The following YTHDC1 variants were observed in gnomAD, a reference collection of about 807,000 sequenced individuals.
The protein encoded by YTHDC1 is YTH domain-containing protein 1.
A neutral mutation model predicts 107.0 loss-of-function variants in YTHDC1; 12 were observed. That is an observed-to-expected ratio of 0.11 (90% CI 0.07 to 0.18). The LOEUF (loss-of-function observed/expected upper bound fraction) is 0.18. YTHDC1 is among the 10% of genes least tolerant of loss of function. The pLI, the probability that YTHDC1 is intolerant of heterozygous loss-of-function variation, is 1.00. For synonymous variants in YTHDC1, 280 were observed against 289.5 expected (o/e 0.97, Z 0.33); for missense variants, 635 against 898.8 (o/e 0.71, Z 3.75).
Position 68,332,346 on chromosome 4 carries a change from A to G in YTHDC1, c.1028-149T>C, listed in dbSNP as rs529548067. The stretch of plus-strand genomic sequence containing the variant: ...CATTCAACCTGGAAGGCTAAGCCAC[A>G]TGTAATAAAGCAAAGCTAAGAAAAG... On this transcript the variant is annotated intron_variant, in intron 6 of 16. Transcript: ENST00000344157. 56 of 492,162 alleles carry G rather than the reference A, an allele frequency of 1.1e-4. 1 individual carries two copies. The highest frequency in any genetic ancestry group is 9.4e-4 in the African/African-American group (47 of 50,108). The allele number at this position is 492,162 out of a possible 1,614,324, so 30.5% of individuals were successfully genotyped here.
At chr4:68,321,667 GTT>G (rs1285093464) in intron 11 of YTHDC1, among the ~76,000 whole-genome samples, 26 of 152,304 alleles carry the variant, frequency 1.7e-4, no homozygotes, top group African/African-American at 6.3e-4. Context: ...GCTCTGCCAG[GTT>G]TCCTCCTACC....
Position 68,349,670 on chromosome 4 carries a change from C to T in YTHDC1, c.28+56G>A, listed in dbSNP as rs1388916293. ...CCCCCAACGACGACCACTGCTCCAT[C>T]ACCCCACTCCCGGGCCCCAGCCTCG... On this transcript the variant is annotated intron_variant, in intron 1 of 16. Transcript: ENST00000344157. The T allele has an allele frequency of 2.9e-6, 3 of 1,039,208 alleles. No homozygotes were observed. In the East Asian group the frequency reaches 1.6e-4, roughly 54 times the overall value. The allele number at this position is 1,039,208 out of a possible 1,614,324, so 64.4% of individuals were successfully genotyped here. A position where few individuals can be genotyped will look rare whatever the true frequency, so the allele number is the denominator to read the frequency against.
At chr4:68,337,549 A>G (rs749515087) in intron 3 of YTHDC1, 23 bp downstream of exon 3, 2 of 1,586,846 alleles carry the variant, frequency 1.3e-6, no homozygotes, top group Non-Finnish European at 1.7e-6. Flanking sequence ...TTTCTGTTTT[A>G]TATCTGCAAT....
chr4:68,328,759 G>T (rs1282196253), intron 9 of YTHDC1, among the ~76,000 whole-genome samples: 1 of 152,124 alleles, frequency 6.6e-6, no homozygotes, highest in Non-Finnish European at 1.5e-5. Context: ...CACTCATTAG[G>T]TGATTTCATT....
chr4:68,324,472 C>T (rs946595137), intron 9 of YTHDC1, among the ~76,000 whole-genome samples: 1 of 152,174 alleles, frequency 6.6e-6, no homozygotes, highest in Non-Finnish European at 1.5e-5. Context: ...CCCCAGCCTG[C>T]TCTCTTCTCT....
At chr4:68,326,340 G>A (rs1401500348) in intron 9 of YTHDC1, among the ~76,000 whole-genome samples, 1 of 152,112 alleles carries the variant, frequency 6.6e-6, no homozygotes, top group Non-Finnish European at 1.5e-5. Context: ...TGAAGCCTGA[G>A]GCAAAACAGG....
At position 68,349,945 on chromosome 4, in the gene YTHDC1, TC is replaced by T. The variant is rs1725922980; in HGVS notation, c.-193del. On this transcript the variant is annotated 5_prime_UTR_variant, in exon 1 of 17. An upstream open reading frame in the 5' UTR loses its in-frame stop. Transcript: ENST00000344157. ...TTTTCCCTTTCTCCCTTCCTTTCAC[TC>T]CAGCATCCAGCGGCCTAGGCCCAGC... 1.4e-6 allele frequency: 1 copy of T among 737,218 alleles called. No individual in the cohort carries two copies. Among genetic ancestry groups the T allele is most frequent in the East Asian group, 2.7e-5 (1 of 36,608 alleles). 45.7% of individuals were successfully genotyped at this position (737,218 alleles called of 1,614,324 possible).
chr4:68,337,181 C>G lies in YTHDC1; in HGVS notation c.729G>C (p.Glu243Asp). The G allele has an allele frequency of 6.2e-7, 1 of 1,606,450 alleles. No homozygotes were observed. The highest frequency in any genetic ancestry group is 1.1e-5 in the South Asian group (1 of 90,752). ...EEEEEEEEEE[E>D]EEEEEEYEQD... is the part of the protein sequence containing the mutation. ...GTTCATATTCTTCTTCTTCCTCCTC[C>G]TCCTCCTCCTCTTCCTCCTCCTCCT... The change falls in exon 4 of 17, where the codon GAG becomes GAC. Residue 243 changes from glutamate (E) to aspartate (D), a missense_variant. Coordinates refer to ENST00000344157, the MANE Select transcript of YTHDC1 (RefSeq NM_001031732.4).
At chr4:68,325,370 G>GA (rs1722881542) in intron 9 of YTHDC1, among the ~76,000 whole-genome samples, 1 of 152,058 alleles carries the variant, frequency 6.6e-6, no homozygotes, top group Non-Finnish European at 1.5e-5. Flanking sequence ...AGTTAAGCTT[G>GA]AAAGAAAACC....
chr4:68,324,394 ATTCTC>A (rs1029413523), intron 9 of YTHDC1, among the ~76,000 whole-genome samples, 171 bp from the exon 10 acceptor site: 2 of 152,170 alleles, frequency 1.3e-5, no homozygotes, highest in Non-Finnish European at 2.9e-5. Flanking sequence ...CTTTTTCCAT[ATTCTC>A]CAGTTTTCTA....
chr4:68,341,015 T>TA (rs1366948774), intron 1 of YTHDC1, among the ~76,000 whole-genome samples: 2 of 152,118 alleles, frequency 1.3e-5, no homozygotes, highest in Non-Finnish European at 2.9e-5. Flanking sequence ...CAACAAATAT[T>TA]AACCAATGCT....
chr4:68,336,768 T>G (rs1368103879), intron 4 of YTHDC1, among the ~76,000 whole-genome samples: 1 of 152,180 alleles, frequency 6.6e-6, no homozygotes, highest in East Asian at 1.9e-4. Context: ...TGAAATACAT[T>G]TCCTTATACA....
In YTHDC1 at chr4:68,316,948, A is replaced by G. The variant is rs562049332; in HGVS notation, c.1825-500T>C. ...TATGTATCTGTTCTTAGAAACATCA[A>G]CAGGCCTGGTGTGGTGGCTCACGCC... is the stretch of plus-strand genomic sequence containing the variant. On this transcript the variant is annotated intron_variant, in intron 15 of 16. Transcript: ENST00000344157. Among the ~76,000 whole-genome samples, 17 of 152,340 alleles carry G rather than the reference A, an allele frequency of 1.1e-4. No individual in the cohort carries two copies. In the East Asian group the frequency reaches 3.3e-3, roughly 29 times the overall value.
At chr4:68,332,261 T>C (rs1723673285) in intron 6 of YTHDC1, 64 bp from the exon 7 acceptor site, 1 of 1,089,568 alleles carries the variant, frequency 9.2e-7, no homozygotes, top group Non-Finnish European at 1.3e-6. Flanking sequence ...GGGTCAAAAC[T>C]GTACTAACTG....
Position 68,322,829 on chromosome 4 carries a change from C to G in YTHDC1, c.1521G>C (p.Met507Ile). 6.2e-7 allele frequency: 1 copy of G among 1,614,176 alleles called. No homozygotes were observed. Among genetic ancestry groups the G allele is most frequent in the Non-Finnish European group, 8.5e-7 (1 of 1,180,028 alleles). The change falls in exon 11 of 17, where the codon ATG (methionine) becomes ATC (isoleucine). Residue 507 changes from methionine (M) to isoleucine (I), a missense_variant. Met to Ile is a conservative substitution (Grantham distance 10). Around this residue, in one of 5 missense-constraint regions of YTHDC1, gnomAD observed 256 missense variants for 372.9 expected, o/e 0.69. Transcript: ENST00000344157. The surrounding 1 kb of genome is among the most constrained non-coding windows in gnomAD (Gnocchi z 4.8). Reference sequence around the variant, plus strand: ...GAGAATGCATTCTTCTCTTGTGACGCATTTTATGAATGACCTGATACAAGT... The same window carrying G: ...GAGAATGCATTCTTCTCTTGTGACGGATTTTATGAATGACCTGATACAAGT... ...SIDLYQVIHK[M>I]RHKRRMHSQP...
At chr4:68,342,191 G>A (rs1400967002) in intron 1 of YTHDC1, among the ~76,000 whole-genome samples, 2 of 152,046 alleles carry the variant, frequency 1.3e-5, no homozygotes, top group East Asian at 3.8e-4. Flanking sequence ...GCTCAACCGG[G>A]GTCTCCCATG....
rs752458100 is a variant in YTHDC1 at position 68,316,238 on chromosome 4, T to C, written c.1959+76A>G. ...TGCAATGGTCCGTCAATCATCATAC[T>C]CTGGTCTCCCCATATTTAAGTTACC... On this transcript the variant is annotated intron_variant, in intron 16 of 16. Transcript: ENST00000344157. 6 of 1,469,554 alleles carry C rather than the reference T, an allele frequency of 4.1e-6. No individual in the cohort carries two copies. The South Asian group carries it at 5.4e-5, about 13-fold the overall frequency. 91.0% of individuals were successfully genotyped at this position (1,469,554 alleles called of 1,614,324 possible).
At position 68,330,045 on chromosome 4, in the gene YTHDC1, C is replaced by T; in HGVS notation, c.1306G>A (p.Ala436Thr). 6.2e-7 allele frequency: 1 copy of T among 1,613,784 alleles called. No individual in the cohort carries two copies. The highest frequency in any genetic ancestry group is 8.5e-7 in the Non-Finnish European group (1 of 1,179,756). ...IHWVLPAGMS[A>T]KMLGGVFKID... Reference sequence around the variant, plus strand: ...TTAAAGACACCTCCCAGCATTTTAGCACTCATTCCTGCTGGAAGCACCCAG... The same window carrying T: ...TTAAAGACACCTCCCAGCATTTTAGTACTCATTCCTGCTGGAAGCACCCAG... The change falls in exon 9 of 17, where the codon GCT (alanine) becomes ACT (threonine). Residue 436 changes from alanine (A) to threonine (T), a missense_variant. Coordinates refer to ENST00000344157, the MANE Select transcript of YTHDC1 (RefSeq NM_001031732.4).
At chr4:68,344,310 T>C (rs1725176910) in intron 1 of YTHDC1, among the ~76,000 whole-genome samples, 1 of 119,558 alleles carries the variant, frequency 8.4e-6, no homozygotes, top group Non-Finnish European at 1.7e-5. Flanking sequence ...AACCCCTGCA[T>C]AACACTGATC....
Sources: gnomAD v4.1 joint callset for allele counts (sites outside exome capture counted in the v4.1 genomes callset) on GRCh38, gnomAD v4.1.1 for gene constraint, gnomAD v4.1.1 regional missense constraint, Gnocchi (gnomAD v3.1) non-coding constraint, MANE v1.5 for transcripts, NCBI Gene and HGNC (gene_info 2026-07-23, HGNC 2026-07-21) for gene names.